RBPJ: variants seen among roughly 807,000 people sequenced by gnomAD.
RBPJ encodes the protein recombining binding protein suppressor of hairless.
RBPJ carries 9 observed loss-of-function variants against 67.8 expected under a neutral mutation model. The ratio of observed to expected loss-of-function variants is 0.13; its 90% CI spans 0.08 to 0.23. The LOEUF (loss-of-function observed/expected upper bound fraction) is 0.23, where lower values mean the gene tolerates loss of function less well. RBPJ is among the 10% of genes least tolerant of loss of function. The pLI is 1.00. For synonymous variants in RBPJ, 198 were observed against 203.3 expected (o/e 0.97, Z 0.22); for missense variants, 305 against 595.6 (o/e 0.51, Z 5.08).
chr4:26,109,464 A>C, the RBPJ span, among the ~76,000 whole-genome samples: 447 of 24,544 alleles, frequency 0.018, 34 homozygotes, highest in African/African-American at 0.051. Context: ...CTCTCTCTAT[A>C]TATATATATA....
chr4:26,226,135 C>T (rs368193045), intron 1 of RBPJ, among the ~76,000 whole-genome samples: 3 of 138,314 alleles, frequency 2.2e-5, no homozygotes, highest in Non-Finnish European at 4.6e-5. Flanking sequence ...GGTGACAGAG[C>T]GAGACTCTGT....
At chr4:26,290,770 C>T (rs73245753) in intron 1 of RBPJ, among the ~76,000 whole-genome samples, 13,027 of 150,638 alleles carry the variant, frequency 0.086, 1,239 homozygotes, top group Middle Eastern at 0.16. Context: ...CTAAATATTC[C>T]TCTAAAAGTA....
At chr4:26,135,207 T>G in the RBPJ span, among the ~76,000 whole-genome samples, 1 of 152,146 alleles carries the variant, frequency 6.6e-6, no homozygotes, top group Non-Finnish European at 1.5e-5. Flanking sequence ...TCTCTCTCCA[T>G]TACTAAAGAA....
the RBPJ span, among the ~76,000 whole-genome samples, chr4:26,127,339 T>C: frequency 6.6e-6 from 1 of 152,226 alleles, no homozygotes; most frequent in African/African-American, 2.4e-5. Flanking sequence ...ACAGTGAGAA[T>C]CTGATCTGAC....
At chr4:26,126,530 G>A in the RBPJ span, among the ~76,000 whole-genome samples, 1 of 152,240 alleles carries the variant, frequency 6.6e-6, no homozygotes, top group East Asian at 1.9e-4. Flanking sequence ...ACTCTTGAAA[G>A]TGCTGTAAGA....
At chr4:26,377,227 T>TG (rs1729842979) in intron 1 of RBPJ, among the ~76,000 whole-genome samples, 1 of 152,314 alleles carries the variant, frequency 6.6e-6, no homozygotes, top group East Asian at 1.9e-4. Flanking sequence ...TTTATCTGTG[T>TG]TTTCCATTGA....
intron 1 of RBPJ, among the ~76,000 whole-genome samples, chr4:26,191,242 TAGAGAGAG>T (rs1225496849): frequency 6.5e-3 from 385 of 59,056 alleles, no homozygotes; most frequent in African/African-American, 0.024. Flanking sequence ...GAGAGAGAGA[TAGAGAGAG>T]AGAGAGGGAG....
the RBPJ span, among the ~76,000 whole-genome samples, chr4:26,123,921 A>C: frequency 6.6e-6 from 1 of 152,150 alleles, no homozygotes; most frequent in Admixed American, 6.5e-5. Context: ...GCTGTTTTAC[A>C]GTTAACTTTT....
intron 1 of RBPJ, among the ~76,000 whole-genome samples, chr4:26,169,103 G>A (rs968223920): frequency 6.6e-6 from 1 of 152,232 alleles, no homozygotes; most frequent in African/African-American, 2.4e-5. Flanking sequence ...GCTTTGTTAT[G>A]TTGCTGGTGA....
At chr4:26,328,808 C>G (rs1354853041) in intron 1 of RBPJ, among the ~76,000 whole-genome samples, 3 of 151,988 alleles carry the variant, frequency 2.0e-5, no homozygotes, top group African/African-American at 7.3e-5. Context: ...GCCAGCAACC[C>G]CAGCTAATTT....
At chr4:26,330,437 A>T (rs183098069) in intron 1 of RBPJ, among the ~76,000 whole-genome samples, 1 of 152,332 alleles carries the variant, frequency 6.6e-6, no homozygotes, top group Admixed American at 6.5e-5. Context: ...AGGTTTTTCT[A>T]CCTAGAAACC....
intron 1 of RBPJ, among the ~76,000 whole-genome samples, chr4:26,226,373 G>A (rs933769309): frequency 6.6e-6 from 1 of 152,138 alleles, no homozygotes; most frequent in Non-Finnish European, 1.5e-5. Context: ...AACTTGGGAA[G>A]CTGAAATGAG....
Position 26,411,951 on chromosome 4 carries a change from C to CA in RBPJ, c.156-3510dup, listed in dbSNP as rs759600636. Among the ~76,000 whole-genome samples, 692 of 120,824 alleles carry CA rather than the reference C, an allele frequency of 5.7e-3. 3 individuals carry two copies. Among genetic ancestry groups the CA allele is most frequent in the East Asian group, 0.031 (127 of 4,110 alleles). 79.3% of individuals were successfully genotyped at this position (120,824 alleles called of 152,430 possible). A position where few individuals can be genotyped will look rare whatever the true frequency, so the allele number is the denominator to read the frequency against. On this transcript the variant is annotated intron_variant, in intron 3 of 10. Transcript: ENST00000355476. The stretch of plus-strand genomic sequence containing the variant: ...TGAAACCCCATCTCTACTAAAAATA[C>CA]AAAAAAAAAAAAAATTAGCCAGGCG...
chr4:26,214,891 AAAAAGAG>A lies in RBPJ; in HGVS notation c.-167+51282_-167+51288del, dbSNP rs200203969. ...AAAATGAAAAAGAAAAAGAGAGAGA[AAAAAGAG>A]AAAAAGAAAGAAAAAAGAGAAAAAA... On this transcript the variant is annotated intron_variant, in intron 1 of 4. Transcript: ENST00000512351. Among the ~76,000 whole-genome samples, 90 of 55,444 alleles carry A rather than the reference AAAAAGAG, an allele frequency of 1.6e-3. 3 individuals carry two copies. Among genetic ancestry groups the A allele is most frequent in the Middle Eastern group, 0.011 (1 of 90 alleles). 36.4% of individuals were successfully genotyped at this position (55,444 alleles called of 152,430 possible). A position where few individuals can be genotyped will look rare whatever the true frequency, so the allele number is the denominator to read the frequency against.
chr4:26,384,118 G>A (rs1730579220), intron 1 of RBPJ, among the ~76,000 whole-genome samples: 1 of 152,112 alleles, frequency 6.6e-6, no homozygotes, highest in African/African-American at 2.4e-5. Flanking sequence ...AAAGTGCTAG[G>A]ATTACAGGCA....
At chr4:26,109,450 C>A in the RBPJ span, among the ~76,000 whole-genome samples, 12 of 24,944 alleles carry the variant, frequency 4.8e-4, no homozygotes, top group Admixed American at 8.9e-4. Context: ...CTCTCTCTCT[C>A]TCTCTCTCTC....
intron 1 of RBPJ, among the ~76,000 whole-genome samples, chr4:26,226,146 CAAAAAAA>C (rs35440890): frequency 1.2e-5 from 1 of 80,040 alleles, no homozygotes; most frequent in Non-Finnish European, 2.8e-5. Context: ...GAGACTCTGT[CAAAAAAA>C]AAAAAAAAAA....
the RBPJ span, among the ~76,000 whole-genome samples, chr4:26,115,312 T>G: frequency 3.3e-5 from 5 of 152,240 alleles, no homozygotes; most frequent in African/African-American, 1.2e-4. Context: ...AAAATGTTTT[T>G]GTGAGGTTTT....
At chr4:26,155,591 C>T in the RBPJ span, among the ~76,000 whole-genome samples, 63 of 152,052 alleles carry the variant, frequency 4.1e-4, 1 homozygote, top group African/African-American at 1.3e-3. Context: ...TGCACCACCA[C>T]GCCTGGCTAA....
Sources: gnomAD v4.1 joint callset for allele counts (sites outside exome capture counted in the v4.1 genomes callset) on GRCh38, gnomAD v4.1.1 for gene constraint, MANE v1.5 for transcripts, NCBI Gene and HGNC (gene_info 2026-07-23, HGNC 2026-07-21) for gene names.